Variants in PTPRK observed in about 807,000 individuals in gnomAD.
PTPRK encodes protein tyrosine phosphatase receptor type K.
In PTPRK, 75 loss-of-function variants were observed where a neutral mutation model predicts 178.0. The observed-to-expected ratio is 0.42, with a 90% CI of 0.35 to 0.51. The LOEUF is 0.51. Among genes scored for constraint, PTPRK ranks in the 20% least tolerant of loss-of-function variants. The pLI is 0.02. For missense variants in PTPRK, 1,441 were observed against 1,797.8 expected (o/e 0.80, Z 3.59); for synonymous variants, 637 against 620.6 (o/e 1.03, Z -0.39).
At chr6:128,218,664 G>A (rs1389933506) in intron 6 of PTPRK, among the ~76,000 whole-genome samples, 1 of 152,180 alleles carries the variant, frequency 6.6e-6, no homozygotes, top group East Asian at 1.9e-4. Context: ...TAAGGTATTT[G>A]ATATATTTAG....
chr6:128,397,057 TA>T (rs1361486747), intron 2 of PTPRK, among the ~76,000 whole-genome samples: 1 of 152,124 alleles, frequency 6.6e-6, no homozygotes, highest in Non-Finnish European at 1.5e-5. Flanking sequence ...AATTCCCACA[TA>T]AAAGATCTCC....
intron 1 of PTPRK, among the ~76,000 whole-genome samples, chr6:128,421,146 T>G (rs2128386736): frequency 6.6e-6 from 1 of 152,332 alleles, no homozygotes; most frequent in African/African-American, 2.4e-5. Flanking sequence ...TATAAACAAG[T>G]AAAAATTCAC....
At chr6:128,299,813 A>C (rs944379590) in intron 3 of PTPRK, among the ~76,000 whole-genome samples, 2 of 152,206 alleles carry the variant, frequency 1.3e-5, no homozygotes, top group South Asian at 2.1e-4. Context: ...TAGGCATGGG[A>C]AAGGACTTCA....
At chr6:128,158,014 G>A (rs1055199307) in intron 7 of PTPRK, among the ~76,000 whole-genome samples, 1 of 151,998 alleles carries the variant, frequency 6.6e-6, no homozygotes, top group African/African-American at 2.4e-5. Context: ...CCTTGCCCAT[G>A]CCTATGTCCT....
At chr6:128,048,865 T>C (rs1443200486) in intron 13 of PTPRK, among the ~76,000 whole-genome samples, 1 of 152,214 alleles carries the variant, frequency 6.6e-6, no homozygotes. Context: ...ACTGTACTTA[T>C]TTGTTTGTGT....
intron 1 of PTPRK, among the ~76,000 whole-genome samples, chr6:128,424,964 T>C (rs1843936189): frequency 6.6e-6 from 1 of 151,944 alleles, no homozygotes; most frequent in Non-Finnish European, 1.5e-5. Context: ...TTTATTTCAA[T>C]AGGTTTTTGG....
rs1835155675 is a variant in PTPRK, at chr6:128,364,182, T to C, written c.223+33384A>G. Among the ~76,000 whole-genome samples, 5 of 151,788 alleles carry C rather than the reference T, an allele frequency of 3.3e-5. No homozygotes were observed. The South Asian group carries it at 1.0e-3, about 32-fold the overall frequency. On this transcript the variant is annotated intron_variant, in intron 2 of 29. Coordinates refer to ENST00000368226, the MANE Select transcript of PTPRK (RefSeq NM_002844.4). ...TTATAAAATTACCCAACATGAAAAC[T>C]TTTTTTTATCCCTGTGATATATAAC...
rs191491649 is a variant in PTPRK at position 128,430,233 on chromosome 6, G to A, written c.101-32545C>T. On this transcript the variant is annotated intron_variant, in intron 1 of 29. Coordinates refer to ENST00000368226, the MANE Select transcript of PTPRK (RefSeq NM_002844.4). ...AAGCAGCTTAATACAGCTTTGACAGGAGACAGATAGGGAGAAAGTTTAATT... is the reference window on the plus strand; with the variant it reads ...AAGCAGCTTAATACAGCTTTGACAGAAGACAGATAGGGAGAAAGTTTAATT... Among the ~76,000 whole-genome samples, 22 of 152,270 alleles carry A rather than the reference G, an allele frequency of 1.4e-4. No homozygotes were observed. The East Asian group carries it at 4.1e-3, about 28-fold the overall frequency.
At chr6:128,292,749 C>T (rs186972633) in intron 3 of PTPRK, among the ~76,000 whole-genome samples, 11 of 152,222 alleles carry the variant, frequency 7.2e-5, no homozygotes, top group Admixed American at 7.2e-4. Context: ...AGTACATTGA[C>T]ATATATCCAT....
rs967655626 is a variant in PTPRK at position 128,519,867 on chromosome 6, G to A, written c.100+392C>T. Among the ~76,000 whole-genome samples, 1 of 152,184 alleles carries A rather than the reference G, an allele frequency of 6.6e-6. No homozygotes were observed. The highest frequency in any genetic ancestry group is 1.5e-5 in the Non-Finnish European group (1 of 68,042). On this transcript the variant is annotated intron_variant, in intron 1 of 29. Transcript: ENST00000368226. This position sits in a 1 kb window ranked among gnomAD's most constrained non-coding sequence, Gnocchi z 4.3. ...CACATTTCTGACAATGGCTTCCCAG[G>A]GAATTTGTTTAAACACCCAAGTGGC...
intron 5 of PTPRK, among the ~76,000 whole-genome samples, chr6:128,233,317 A>T (rs1812621359): frequency 6.6e-6 from 1 of 152,230 alleles, no homozygotes; most frequent in African/African-American, 2.4e-5. Flanking sequence ...ATTGTTTAGA[A>T]ATCATGCTTT....
chr6:127,996,750 C>T, intron 17 of PTPRK, 151 bp downstream of exon 17: 1 of 1,015,516 alleles, frequency 9.8e-7, no homozygotes. Flanking sequence ...GGATTACAGG[C>T]ATGAGCCCTC....
At position 128,445,225 on chromosome 6, in the gene PTPRK, ATATATAATAGTATAAATAC is replaced by A. The variant is rs1448228741; in HGVS notation, c.101-47556_101-47538del. On this transcript the variant is annotated intron_variant, in intron 1 of 29. Transcript: ENST00000368226. Reference sequence around the variant, plus strand: ...TTATATATATATATATATATAATTTATATATAATAGTATAAATACTATATATAATTTATATATAATAGTA... The same window carrying A: ...TTATATATATATATATATATAATTTATATATATAATTTATATATAATAGTA... 2.6e-3 allele frequency among the ~76,000 whole-genome samples: 385 copies of A among 146,592 alleles called. 3 individuals carry two copies. The highest frequency in any genetic ancestry group is 8.3e-3 in the African/African-American group (332 of 40,160).
intron 2 of PTPRK, among the ~76,000 whole-genome samples, chr6:128,393,976 T>C (rs1341952977): frequency 6.6e-6 from 1 of 152,172 alleles, no homozygotes; most frequent in Non-Finnish European, 1.5e-5. Context: ...ATCACCAGCA[T>C]CTGGAAGACT....
At chr6:128,283,358 T>A (rs760964135) in intron 3 of PTPRK, among the ~76,000 whole-genome samples, 40 of 152,170 alleles carry the variant, frequency 2.6e-4, no homozygotes, top group Non-Finnish European at 5.1e-4. Flanking sequence ...CAAAAGTGAT[T>A]TAGGAGAGCT....
chr6:128,036,906 A>G (rs578120308), intron 13 of PTPRK, among the ~76,000 whole-genome samples: 2 of 152,026 alleles, frequency 1.3e-5, no homozygotes, highest in Non-Finnish European at 2.9e-5. Context: ...TAATTTTTGT[A>G]TCTTTAGTAC....
chr6:128,053,688 T>A (rs777258952), intron 13 of PTPRK, among the ~76,000 whole-genome samples: 4 of 152,158 alleles, frequency 2.6e-5, no homozygotes, highest in African/African-American at 4.8e-5. Context: ...ACCGTCCCCA[T>A]GAAGACAAGC....
intron 7 of PTPRK, among the ~76,000 whole-genome samples, chr6:128,155,239 G>A (rs1051136888): frequency 5.9e-5 from 9 of 151,588 alleles, no homozygotes; most frequent in East Asian, 3.9e-4. Flanking sequence ...AAAATATTTC[G>A]TAGGTGTCGT....
chr6:128,394,471 C>T (rs1319866036), intron 2 of PTPRK, among the ~76,000 whole-genome samples: 3 of 152,146 alleles, frequency 2.0e-5, no homozygotes, highest in Non-Finnish European at 4.4e-5. Context: ...TACATTCTTA[C>T]CAACACTTGG....
Sources: gnomAD v4.1 joint callset for allele counts (sites outside exome capture counted in the v4.1 genomes callset) on GRCh38, gnomAD v4.1.1 for gene constraint, Gnocchi (gnomAD v3.1) non-coding constraint, MANE v1.5 for transcripts, NCBI Gene and HGNC (gene_info 2026-07-23, HGNC 2026-07-21) for gene names.